PARD3B: variants seen among roughly 807,000 people sequenced by gnomAD.
The protein encoded by PARD3B is partitioning defective 3 homolog B.
PARD3B carries 103 observed loss-of-function variants against 130.2 expected under a neutral mutation model. That is an observed-to-expected ratio of 0.79 (90% CI 0.67 to 0.93). The LOEUF is 0.93. Ranked by LOEUF, PARD3B falls within the 40% of genes least tolerant of loss-of-function variation. The pLI is 0.00. For synonymous variants in PARD3B, 583 were observed against 553.2 expected (o/e 1.05, Z -0.76); for missense variants, 1,609 against 1,499.2 (o/e 1.07, Z -1.21).
rs1001991181 is a variant in PARD3B, at chr2:204,740,011, G to GT, written c.222+53735dup. Among the ~76,000 whole-genome samples the GT allele has an allele frequency of 2.0e-5, 3 of 147,654 alleles. No homozygotes were observed. The East Asian group carries it at 6.0e-4, about 30-fold the overall frequency. ...TGTTTTCTTTCTTTCTTTTTCTTTTGTTTTTTCTTTTTTGTGATGGAGTCT... is the reference window on the plus strand; with the variant it reads ...TGTTTTCTTTCTTTCTTTTTCTTTTGTTTTTTTCTTTTTTGTGATGGAGTCT... On this transcript the variant is annotated intron_variant, in intron 2 of 22. Transcript: ENST00000406610.
At chr2:204,672,106 A>G (rs1234662966) in intron 1 of PARD3B, among the ~76,000 whole-genome samples, 1 of 152,178 alleles carries the variant, frequency 6.6e-6, no homozygotes, top group Admixed American at 6.5e-5. Context: ...GTATAATGAT[A>G]CATCATTGTA....
At chr2:205,228,663 TA>T (rs2038685090) in intron 15 of PARD3B, among the ~76,000 whole-genome samples, 1 of 152,162 alleles carries the variant, frequency 6.6e-6, no homozygotes, top group Non-Finnish European at 1.5e-5. Context: ...TCCCTTTGAG[TA>T]AAAAAATTTA....
chr2:204,701,075 T>C (rs1185365248), intron 2 of PARD3B, among the ~76,000 whole-genome samples: 3 of 152,124 alleles, frequency 2.0e-5, no homozygotes, highest in Non-Finnish European at 4.4e-5. Context: ...CATACAAAAT[T>C]GTTTTAGTAA....
In PARD3B at chr2:205,371,101, G is replaced by A. The variant is rs146719728; in HGVS notation, c.2631-29912G>A. On this transcript the variant is annotated intron_variant, in intron 18 of 22. Coordinates refer to ENST00000406610, the MANE Select transcript of PARD3B (RefSeq NM_001302769.2). ...CTTAGTCATGGACCAATGTTTGGGT[G>A]ATTTTTATTTTCATAATTGAAAATC... Among the ~76,000 whole-genome samples, 540 of 152,246 alleles carry A rather than the reference G, an allele frequency of 3.5e-3. 1 individual carries two copies. Among genetic ancestry groups the A allele is most frequent in the South Asian group, 0.029 (140 of 4,830 alleles).
chr2:205,338,009 C>G (rs1464645908), intron 18 of PARD3B, among the ~76,000 whole-genome samples: 3 of 151,918 alleles, frequency 2.0e-5, no homozygotes, highest in African/African-American at 7.3e-5. Flanking sequence ...CAAAAATTAG[C>G]CGGGCATGGT....
intron 2 of PARD3B, among the ~76,000 whole-genome samples, chr2:204,761,551 T>G (rs1174300110): frequency 6.6e-6 from 1 of 151,792 alleles, no homozygotes; most frequent in African/African-American, 2.4e-5. Context: ...TCACCCATAG[T>G]TGTTTTTTTT....
Position 205,615,788 on chromosome 2 carries a change from A to G in PARD3B, c.3593A>G (p.Lys1198Arg). 4 of 1,613,636 alleles carry G rather than the reference A, an allele frequency of 2.5e-6. No homozygotes were observed. The highest frequency in any genetic ancestry group is 3.4e-6 in the Non-Finnish European group (4 of 1,179,670). The change falls in exon 23 of 23, where the codon AAG becomes AGG. Residue 1198 changes from lysine to arginine, a missense_variant. Coordinates refer to ENST00000406610, the MANE Select transcript of PARD3B (RefSeq NM_001302769.2). The part of the protein sequence containing the change: ...YPYRTQDSRQ[K>R]NPMTAAV ...TACCGAACCCAGGATTCCCGGCAGA[A>G]GAACCCCATGACTGCAGCCGTATAG...
Position 205,493,209 on chromosome 2 carries a change from G to GA in PARD3B, c.3045-6678dup, listed in dbSNP as rs200934594. ...TTTTAGAAGTTCTGTTCCCACTATGGAAAAAAAAATCTGCCCTGTTTTCTA... is the reference window on the plus strand; with the variant it reads ...TTTTAGAAGTTCTGTTCCCACTATGGAAAAAAAAAATCTGCCCTGTTTTCTA... On this transcript the variant is annotated intron_variant, in intron 20 of 22. Coordinates refer to ENST00000406610, the MANE Select transcript of PARD3B (RefSeq NM_001302769.2). Among the ~76,000 whole-genome samples the GA allele has an allele frequency of 4.6e-3, 689 of 150,616 alleles. 4 individuals carry two copies. The highest frequency in any genetic ancestry group is 0.016 in the African/African-American group (656 of 41,102).
intron 15 of PARD3B, among the ~76,000 whole-genome samples, chr2:205,227,485 G>A (rs191984539): frequency 0.011 from 1,600 of 152,052 alleles, 33 homozygotes; most frequent in African/African-American, 0.037. Flanking sequence ...TTTGCCTGAT[G>A]GAAATATACC....
At chr2:205,511,972 AG>A (rs777263071) in intron 21 of PARD3B, among the ~76,000 whole-genome samples, 2 of 152,184 alleles carry the variant, frequency 1.3e-5, no homozygotes, top group Non-Finnish European at 2.9e-5. Context: ...GTTCTTATTA[AG>A]TAGTAACTAG....
intron 18 of PARD3B, among the ~76,000 whole-genome samples, chr2:205,386,989 A>C (rs2045683825): frequency 6.6e-6 from 1 of 152,342 alleles, no homozygotes; most frequent in Middle Eastern, 3.4e-3. Context: ...GTAGATAATT[A>C]AACAATATTT....
At chr2:205,348,450 A>C (rs2043875499) in intron 18 of PARD3B, among the ~76,000 whole-genome samples, 2 of 152,216 alleles carry the variant, frequency 1.3e-5, no homozygotes, top group Admixed American at 6.5e-5. Flanking sequence ...AGTGTTGGTG[A>C]AGGAGTAAGA....
chr2:204,558,771 A>C (rs542854128), intron 1 of PARD3B, among the ~76,000 whole-genome samples: 1 of 152,336 alleles, frequency 6.6e-6, no homozygotes, highest in East Asian at 1.9e-4. Flanking sequence ...TGGAGGCATC[A>C]TGCTACCTGA....
chr2:204,718,658 G>A (rs893396615), intron 2 of PARD3B, among the ~76,000 whole-genome samples: 6 of 152,170 alleles, frequency 3.9e-5, no homozygotes, highest in African/African-American at 7.2e-5. Flanking sequence ...ACATTGTTAT[G>A]ACTTATTAGA....
chr2:205,193,134 G>C, intron 14 of PARD3B, 71 bp from the exon 15 acceptor site: 1 of 1,092,490 alleles, frequency 9.2e-7, no homozygotes, highest in Non-Finnish European at 1.4e-6. Flanking sequence ...TGTTCAAAAT[G>C]AGAACTGCTT....
intron 1 of PARD3B, among the ~76,000 whole-genome samples, chr2:204,618,998 G>T (rs532137843): frequency 6.6e-6 from 1 of 151,834 alleles, no homozygotes; most frequent in Non-Finnish European, 1.5e-5. Context: ...TTACATTAGC[G>T]TATTGGTTTC....
chr2:204,575,956 T>C (rs1213406121), intron 1 of PARD3B, among the ~76,000 whole-genome samples: 1 of 152,218 alleles, frequency 6.6e-6, no homozygotes, highest in Admixed American at 6.5e-5. Context: ...ACATGGCTTG[T>C]AGGTCCTGCC....
At chr2:204,911,309 G>A (rs2047226918) in intron 2 of PARD3B, among the ~76,000 whole-genome samples, 1 of 152,152 alleles carries the variant, frequency 6.6e-6, no homozygotes, top group South Asian at 2.1e-4. Flanking sequence ...ATACGATAAT[G>A]CTGTGTGAGT....
At chr2:205,451,095 G>A (rs115422017) in intron 20 of PARD3B, among the ~76,000 whole-genome samples, 21 of 152,204 alleles carry the variant, frequency 1.4e-4, no homozygotes, top group African/African-American at 3.6e-4. Context: ...CATGTGTCTC[G>A]CCCATTAAGG....
Sources: gnomAD v4.1 joint callset for allele counts (sites outside exome capture counted in the v4.1 genomes callset) on GRCh38, gnomAD v4.1.1 for gene constraint, MANE v1.5 for transcripts, NCBI Gene and HGNC (gene_info 2026-07-23, HGNC 2026-07-21) for gene names.